PPP6R3: variants seen among roughly 807,000 people sequenced by gnomAD.
The protein encoded by PPP6R3 is serine/threonine-protein phosphatase 6 regulatory subunit 3.
A neutral mutation model predicts 110.7 loss-of-function variants in PPP6R3; 38 were observed. The observed-to-expected ratio is 0.34, with a 90% CI of 0.26 to 0.45. PPP6R3 has a LOEUF of 0.45. Ranked by LOEUF, PPP6R3 falls within the 20% of genes least tolerant of loss-of-function variation. The probability of loss-of-function intolerance (pLI) is 1.00; values close to 1 mark genes in which losing one functional copy is unlikely to be tolerated. For synonymous variants in PPP6R3, 369 were observed against 373.5 expected (o/e 0.99, Z 0.14); for missense variants, 870 against 1,062.4 (o/e 0.82, Z 2.52).
At chr11:68,599,007 T>C (rs532352451) in intron 19 of PPP6R3, among the ~76,000 whole-genome samples, 1 of 152,322 alleles carries the variant, frequency 6.6e-6, no homozygotes, top group East Asian at 1.9e-4. Context: ...TGAATAGTCA[T>C]TATGAAATCA....
chr11:68,531,052 A>T (rs1322993632), intron 2 of PPP6R3, among the ~76,000 whole-genome samples: 1 of 152,128 alleles, frequency 6.6e-6, no homozygotes, highest in Non-Finnish European at 1.5e-5. Context: ...ACTGATATCA[A>T]CTTTTTCAGA....
At chr11:68,502,158 C>G (rs1436059207) in intron 1 of PPP6R3, among the ~76,000 whole-genome samples, 3 of 152,096 alleles carry the variant, frequency 2.0e-5, no homozygotes, top group African/African-American at 4.8e-5. Context: ...TGTATGTAAT[C>G]TTAAATTTTC....
intron 4 of PPP6R3, among the ~76,000 whole-genome samples, chr11:68,546,837 G>C (rs143008016): frequency 3.9e-5 from 6 of 152,142 alleles, no homozygotes; most frequent in African/African-American, 1.4e-4. Context: ...ATTCCTTTGG[G>C]CTCCAGGTTT....
At chr11:68,479,716 A>G (rs1350438784) in intron 1 of PPP6R3, among the ~76,000 whole-genome samples, 1 of 151,172 alleles carries the variant, frequency 6.6e-6, no homozygotes, top group Non-Finnish European at 1.5e-5. Flanking sequence ...CTTATTTCTT[A>G]TCCTTTCTCT....
At chr11:68,598,027 A>G (rs2099619467) in intron 19 of PPP6R3, among the ~76,000 whole-genome samples, 1 of 152,102 alleles carries the variant, frequency 6.6e-6, no homozygotes, top group Non-Finnish European at 1.5e-5. Context: ...CTGTTGTGTA[A>G]CAGGTCTTTA....
chr11:68,613,031 G>C (rs764269511), intron 23 of PPP6R3, 35 bp from the exon 24 acceptor site: 1 of 1,614,086 alleles, frequency 6.2e-7, no homozygotes, highest in Non-Finnish European at 8.5e-7. Context: ...TATTTCTGCT[G>C]CAAGTGCCTC....
chr11:68,603,405 A>G lies in PPP6R3; in HGVS notation c.2363A>G (p.Lys788Arg). 1 of 1,614,078 alleles carries G rather than the reference A, an allele frequency of 6.2e-7. No homozygotes were observed. The highest frequency in any genetic ancestry group is 8.5e-7 in the Non-Finnish European group (1 of 1,180,004). The change falls in exon 22 of 24, where the codon AAG (lysine) becomes AGG (arginine). Residue 788 changes from lysine (K) to arginine (R), a missense_variant. Lys to Arg is a conservative substitution (Grantham distance 26, BLOSUM62 2). Transcript: ENST00000393800. Reference protein sequence around the residue: ...DGEEDAESTDKVTETVMNGGM... With the variant: ...DGEEDAESTDRVTETVMNGGM... The stretch of plus-strand genomic sequence containing the variant: ...GAGGAGGATGCAGAAAGTACAGACA[A>G]GGTAACTGAGACAGTGATGAATGGC...
intron 15 of PPP6R3, chr11:68,586,369 G>A (rs1318159437): frequency 6.6e-6 from 1 of 152,144 alleles, no homozygotes; most frequent in Non-Finnish European, 1.5e-5. Flanking sequence ...CCATTCATAG[G>A]TCCAGAACTC....
At chr11:68,530,992 C>T (rs995884123) in intron 2 of PPP6R3, among the ~76,000 whole-genome samples, 17 of 152,098 alleles carry the variant, frequency 1.1e-4, no homozygotes, top group Non-Finnish European at 2.5e-4. Flanking sequence ...TATCTTTTGT[C>T]ATGTTTATGG....
intron 23 of PPP6R3, among the ~76,000 whole-genome samples, chr11:68,611,812 C>A (rs1001376568): frequency 6.6e-6 from 1 of 152,190 alleles, no homozygotes; most frequent in African/African-American, 2.4e-5. Flanking sequence ...TCTAAAGTGA[C>A]GTATGACAGC....
At chr11:68,558,965 C>A (rs1276763882) in intron 8 of PPP6R3, among the ~76,000 whole-genome samples, 1 of 152,178 alleles carries the variant, frequency 6.6e-6, no homozygotes, top group Non-Finnish European at 1.5e-5. Context: ...ATGCTATAAT[C>A]AAAAACATGT....
At chr11:68,571,949 G>A (rs1233556134) in intron 12 of PPP6R3, among the ~76,000 whole-genome samples, 2 of 151,882 alleles carry the variant, frequency 1.3e-5, no homozygotes, top group African/African-American at 2.4e-5. Context: ...TTCTTGTTAT[G>A]TGTCTCTGTG....
At position 68,600,387 on chromosome 11, in the gene PPP6R3, C is replaced by G. The variant is rs752834053; in HGVS notation, c.2085C>G (p.His695Gln). ...TTGATGTCCCAATGGAAACAACCCA[C>G]GGTGCTCCATTGGATTCTGTGGGAT... The part of the protein sequence containing the change: ...ANFDVPMETT[H>Q]GAPLDSVGSD... Residue 695 changes from histidine to glutamine, a missense_variant, in exon 20 of 24, where the codon CAC (histidine) becomes CAG (glutamine). His to Gln is a conservative substitution (Grantham distance 24, BLOSUM62 0). Transcript: ENST00000393800. 1 of 1,613,944 alleles carries G rather than the reference C, an allele frequency of 6.2e-7. No individual in the cohort carries two copies. Among genetic ancestry groups the G allele is most frequent in the African/African-American group, 1.3e-5 (1 of 74,914 alleles).
At chr11:68,511,153 T>C (rs1350939254) in intron 1 of PPP6R3, among the ~76,000 whole-genome samples, 4 of 151,572 alleles carry the variant, frequency 2.6e-5, no homozygotes, top group Non-Finnish European at 5.9e-5. Flanking sequence ...CTGCAACCTC[T>C]GCCTCCCGGG....
rs2099390409 is a variant in PPP6R3 at position 68,554,020 on chromosome 11, T to C, written c.619-125T>C. The C allele has an allele frequency of 1.8e-5, 12 of 679,406 alleles. No homozygotes were observed. The South Asian group carries it at 2.3e-4, about 13-fold the overall frequency. 42.1% of individuals were successfully genotyped at this position (679,406 alleles called of 1,614,324 possible). Reference sequence around the variant, plus strand: ...TGTGATCTCTCTTGGCCTTGACCTTTTGCGCACTGAAGCTTATGGCCAGTG... The same window carrying C: ...TGTGATCTCTCTTGGCCTTGACCTTCTGCGCACTGAAGCTTATGGCCAGTG... On this transcript the variant is annotated intron_variant, in intron 6 of 23. Transcript: ENST00000393800.
intron 3 of PPP6R3, among the ~76,000 whole-genome samples, chr11:68,543,778 G>C (rs1018651324): frequency 6.6e-6 from 1 of 152,218 alleles, no homozygotes; most frequent in African/African-American, 2.4e-5. Flanking sequence ...TTCTGGGTCA[G>C]CTAGAGTATC....
intron 12 of PPP6R3, among the ~76,000 whole-genome samples, chr11:68,573,895 T>C (rs1290596948): frequency 6.6e-6 from 1 of 152,216 alleles, no homozygotes; most frequent in African/African-American, 2.4e-5. Flanking sequence ...TGCCATATAA[T>C]CTTTTACAAT....
intron 2 of PPP6R3, among the ~76,000 whole-genome samples, chr11:68,534,819 C>T (rs1471477028): frequency 6.6e-6 from 1 of 152,134 alleles, no homozygotes; most frequent in African/African-American, 2.4e-5. Context: ...CTGTATTATT[C>T]CACCAGAAGC....
intron 1 of PPP6R3, among the ~76,000 whole-genome samples, chr11:68,478,496 G>T (rs1300041823): frequency 1.3e-5 from 2 of 151,830 alleles, no homozygotes; most frequent in African/African-American, 2.4e-5. Flanking sequence ...GTGACTTTTG[G>T]TTACTATTTG....
Sources: gnomAD v4.1 joint callset for allele counts (sites outside exome capture counted in the v4.1 genomes callset) on GRCh38, gnomAD v4.1.1 for gene constraint, MANE v1.5 for transcripts, NCBI Gene and HGNC (gene_info 2026-07-23, HGNC 2026-07-21) for gene names.